The following GALNT2 variants were observed in gnomAD, a reference collection of about 807,000 sequenced individuals.
GALNT2 encodes polypeptide N-acetylgalactosaminyltransferase 2.
Under a neutral mutation model 81.4 loss-of-function variants are expected in GALNT2, and 31 were observed. The observed-to-expected ratio is 0.38, with a 90% CI of 0.29 to 0.51. The LOEUF (loss-of-function observed/expected upper bound fraction) is 0.51. GALNT2 is among the 20% of genes least tolerant of loss of function. The probability of loss-of-function intolerance (pLI) is 0.87; values close to 1 mark genes in which losing one functional copy is unlikely to be tolerated. For missense variants in GALNT2, 629 were observed against 765.7 expected, an observed-to-expected ratio of 0.82 and a Z score of 2.11; for synonymous variants, 303 against 287.4, an observed-to-expected ratio of 1.05 and a Z score of -0.55.
At chr1:230,273,376 CGGA>C (rs1666202676) in intron 14 of GALNT2, among the ~76,000 whole-genome samples, 1 of 152,130 alleles carries the variant, frequency 6.6e-6, no homozygotes, top group African/African-American at 2.4e-5. Context: ...GACAGACAGA[CGGA>C]GGGGAGGGCC....
intron 1 of GALNT2, among the ~76,000 whole-genome samples, chr1:230,071,477 T>TG (rs1433275530): frequency 1.3e-5 from 2 of 152,132 alleles, no homozygotes; most frequent in Admixed American, 1.3e-4. Context: ...GGGGTTCCTG[T>TG]GGTGGGATCC....
chr1:230,224,619 TTTCCC>T, intron 3 of GALNT2, among the ~76,000 whole-genome samples: 1 of 152,262 alleles, frequency 6.6e-6, no homozygotes, highest in Non-Finnish European at 1.5e-5. Context: ...ACCTAATGTT[TTTCCC>T]CTTCTGTTGG....
intron 1 of GALNT2, among the ~76,000 whole-genome samples, chr1:230,103,263 G>A (rs1053286271): frequency 2.6e-5 from 4 of 152,160 alleles, no homozygotes; most frequent in African/African-American, 9.7e-5. Context: ...TTTTAGTAAC[G>A]TTCATGGAAT....
chr1:230,153,859 A>C (rs1036154065), intron 1 of GALNT2, among the ~76,000 whole-genome samples: 2 of 152,326 alleles, frequency 1.3e-5, no homozygotes, highest in Non-Finnish European at 2.9e-5. Flanking sequence ...GGTCTGGTGG[A>C]ACTGATATGT....
chr1:230,218,210 A>T (rs1664444954), intron 3 of GALNT2, among the ~76,000 whole-genome samples: 1 of 152,178 alleles, frequency 6.6e-6, no homozygotes, highest in Admixed American at 6.5e-5. Flanking sequence ...AGATGACAAG[A>T]TATGCTGAAT....
rs936712566 is a variant in GALNT2 at position 230,243,107 on chromosome 1, A to G, written c.608-199A>G. On this transcript the variant is annotated intron_variant, in intron 6 of 15. Transcript: ENST00000366672. The surrounding 1 kb of genome is among the most constrained non-coding windows in gnomAD (Gnocchi z 4.2). ...AACGTTGTCCTCCCAGTCATCCAAT[A>G]TAACTATTAAAATTAAAAGTTCTGA... 3.3e-5 allele frequency among the ~76,000 whole-genome samples: 5 copies of G among 152,256 alleles called. No homozygotes were observed. The highest frequency in any genetic ancestry group is 9.6e-5 in the African/African-American group (4 of 41,464).
intron 1 of GALNT2, among the ~76,000 whole-genome samples, chr1:230,174,825 C>T (rs1033946066): frequency 6.6e-6 from 1 of 152,202 alleles, no homozygotes; most frequent in Non-Finnish European, 1.5e-5. Flanking sequence ...CCGTGCCCTC[C>T]TGTTTTTGAT....
At chr1:230,181,184 G>A (rs543414928) in intron 2 of GALNT2, among the ~76,000 whole-genome samples, 10 of 152,168 alleles carry the variant, frequency 6.6e-5, no homozygotes, top group African/African-American at 2.4e-4. Flanking sequence ...GATCTTAGTG[G>A]GAAAGTTTCC....
At chr1:230,186,713 C>T (rs1287443180) in intron 2 of GALNT2, among the ~76,000 whole-genome samples, 1 of 152,210 alleles carries the variant, frequency 6.6e-6, no homozygotes, top group African/African-American at 2.4e-5. Flanking sequence ...TTGACTCTGC[C>T]TTTCATATCC....
chr1:230,137,839 A>G (rs995534617), intron 1 of GALNT2, among the ~76,000 whole-genome samples: 15 of 152,368 alleles, frequency 9.8e-5, no homozygotes, highest in Middle Eastern at 3.4e-3. Context: ...ACTCTTGAAA[A>G]GTGAAATATA....
At chr1:230,102,442 T>C (rs2102779366) in intron 1 of GALNT2, among the ~76,000 whole-genome samples, 1 of 152,322 alleles carries the variant, frequency 6.6e-6, no homozygotes, top group South Asian at 2.1e-4. Context: ...TCTCTGAAAT[T>C]GTAAGCCCAA....
chr1:230,208,375 T>C (rs1027073823), intron 3 of GALNT2, among the ~76,000 whole-genome samples: 2 of 152,132 alleles, frequency 1.3e-5, no homozygotes, highest in Admixed American at 6.5e-5. Flanking sequence ...ACCTGCAGTC[T>C]CCTCAGCTGA....
At chr1:230,069,094 C>T (rs923693526) in intron 1 of GALNT2, among the ~76,000 whole-genome samples, 11 of 152,286 alleles carry the variant, frequency 7.2e-5, no homozygotes, top group African/African-American at 2.6e-4. Flanking sequence ...GTTTCTCTTT[C>T]CTTAGTCTGC....
chr1:230,142,523 G>A (rs1380505234), intron 1 of GALNT2, among the ~76,000 whole-genome samples: 2 of 152,104 alleles, frequency 1.3e-5, no homozygotes, highest in Non-Finnish European at 2.9e-5. Context: ...TGTAAAATGG[G>A]GAAAAAAGTA....
intron 1 of GALNT2, among the ~76,000 whole-genome samples, chr1:230,114,193 C>T (rs1219327988): frequency 6.6e-6 from 1 of 152,134 alleles, no homozygotes; most frequent in Non-Finnish European, 1.5e-5. Context: ...TTCCTCTGGC[C>T]ACATTCAGGG....
chr1:230,232,076 G>C (rs1453424149), intron 3 of GALNT2, among the ~76,000 whole-genome samples: 3 of 152,142 alleles, frequency 2.0e-5, no homozygotes, highest in Admixed American at 6.5e-5. Flanking sequence ...AAGACTGGTT[G>C]GCAGGGATAT....
chr1:230,110,055 A>G (rs1210936167), intron 1 of GALNT2, among the ~76,000 whole-genome samples: 1 of 152,194 alleles, frequency 6.6e-6, no homozygotes, highest in Non-Finnish European at 1.5e-5. Flanking sequence ...GTCCTGGCAG[A>G]GCAGGTGTGC....
At chr1:230,214,702 C>G (rs1200113001) in intron 3 of GALNT2, among the ~76,000 whole-genome samples, 1 of 152,144 alleles carries the variant, frequency 6.6e-6, no homozygotes, top group Non-Finnish European at 1.5e-5. Context: ...CATGCCTTGT[C>G]AGTTTTGCCA....
rs149914257 is a variant in GALNT2 at position 230,279,318 on chromosome 1, G to A, written c.1576G>A (p.Glu526Lys). The A allele has an allele frequency of 2.2e-5, 35 of 1,614,004 alleles. No individual in the cohort carries two copies. Among genetic ancestry groups the A allele is most frequent in the Non-Finnish European group, 3.0e-5 (35 of 1,180,016 alleles). ...NDSRQKWEQI[E>K]GNSKLRHVGS... is the part of the protein sequence containing the mutation. The stretch of plus-strand genomic sequence containing the variant: ...TGTCTTGCAGAAATGGGAACAGATC[G>A]AGGGCAACTCCAAGCTGAGGCACGT... The change falls in exon 16 of 16, where the codon GAG becomes AAG. Residue 526 changes from glutamate to lysine, a missense_variant. Coordinates refer to ENST00000366672, the MANE Select transcript of GALNT2 (RefSeq NM_004481.5). The surrounding 1 kb of genome is among the most constrained non-coding windows in gnomAD (Gnocchi z 4.6).
Sources: allele counts gnomAD v4.1 joint callset (sites outside exome capture counted in the v4.1 genomes callset), GRCh38; gene constraint gnomAD v4.1.1; non-coding constraint Gnocchi (gnomAD v3.1); transcripts MANE v1.5; gene names NCBI Gene and HGNC (gene_info 2026-07-23, HGNC 2026-07-21).